GRIA3: variants seen among roughly 807,000 people sequenced by gnomAD.
The protein encoded by GRIA3 is glutamate ionotropic receptor AMPA type subunit 3, also known as glutamate receptor 3.
A neutral mutation model predicts 63.0 loss-of-function variants in GRIA3; 3 were observed. The ratio of observed to expected loss-of-function variants is 0.05; its 90% CI spans 0.02 to 0.12. GRIA3 has a LOEUF of 0.12. GRIA3 is among the 10% of genes least tolerant of loss of function. The pLI is 1.00. For synonymous variants in GRIA3, 274 were observed against 257.9 expected, an observed-to-expected ratio of 1.06 and a Z score of -0.60; for missense variants, 347 against 700.9, an observed-to-expected ratio of 0.50 and a Z score of 5.70.
At chrX:123,464,732 C>T (rs1047553927) in intron 12 of GRIA3, 133 bp from the exon 13 acceptor site, 22 of 536,262 alleles carry the variant, frequency 4.1e-5, no homozygotes, top group Middle Eastern at 5.7e-4. Context: ...TATGTATGAA[C>T]GTGCCTACTA....
At chrX:123,341,496 T>C (rs1282236252) in intron 4 of GRIA3, among the ~76,000 whole-genome samples, 2 of 76,955 alleles carry the variant, frequency 2.6e-5, no homozygotes, top group Non-Finnish European at 4.9e-5. Context: ...CACCATGGCT[T>C]ACACTAACCT....
At chrX:123,224,821 C>G (rs1267220444) in intron 2 of GRIA3, among the ~76,000 whole-genome samples, 1 of 111,403 alleles carries the variant, frequency 9.0e-6, no homozygotes, top group African/African-American at 3.3e-5. Flanking sequence ...CTTAAACATG[C>G]CGGGCTAGCT....
At chrX:123,248,643 G>A (rs1010494328) in intron 2 of GRIA3, among the ~76,000 whole-genome samples, 5 of 110,938 alleles carry the variant, frequency 4.5e-5, no homozygotes, top group African/African-American at 9.8e-5. Flanking sequence ...AAAATTAGCC[G>A]GGCATGGTGG....
chrX:123,392,198 G>A (rs1015218697), intron 5 of GRIA3, among the ~76,000 whole-genome samples: 1 of 112,269 alleles, frequency 8.9e-6, no homozygotes, highest in Non-Finnish European at 1.9e-5. Context: ...AAGCAGGGGA[G>A]CCTTTCCTCA....
chrX:123,285,795 T>C (rs1230462168), intron 3 of GRIA3, among the ~76,000 whole-genome samples: 1 of 110,624 alleles, frequency 9.0e-6, no homozygotes, highest in Non-Finnish European at 1.9e-5. Context: ...ACAAAGAGAC[T>C]TAGTCTCCCA....
chrX:123,281,897 T>G (rs2044588124), intron 3 of GRIA3, among the ~76,000 whole-genome samples: 1 of 112,088 alleles, frequency 8.9e-6, no homozygotes, highest in African/African-American at 3.2e-5. Context: ...TGGATAGGAA[T>G]AAGGACACAC....
At chrX:123,337,236 C>A (rs1174411196) in intron 4 of GRIA3, among the ~76,000 whole-genome samples, 1 of 111,786 alleles carries the variant, frequency 8.9e-6, no homozygotes, top group Non-Finnish European at 1.9e-5. Context: ...TTTGTGAATA[C>A]CACCAAGAGA....
chrX:123,318,263 AT>A (rs1342038938), intron 3 of GRIA3, among the ~76,000 whole-genome samples: 1 of 109,457 alleles, frequency 9.1e-6, no homozygotes, highest in Non-Finnish European at 1.9e-5. Context: ...GCCTGGAGAC[AT>A]TTTCCCCCCA....
intron 5 of GRIA3, among the ~76,000 whole-genome samples, chrX:123,363,766 G>A (rs1272869142): frequency 8.9e-6 from 1 of 112,590 alleles, no homozygotes; most frequent in South Asian, 3.6e-4. Flanking sequence ...AAATATAGCA[G>A]AACCTACAAA....
chrX:123,223,128 C>G (rs1354637190), intron 2 of GRIA3, among the ~76,000 whole-genome samples: 2 of 112,804 alleles, frequency 1.8e-5, no homozygotes, highest in African/African-American at 6.4e-5. Context: ...TCCCACTGAT[C>G]TGGAAGGAAT....
intron 3 of GRIA3, among the ~76,000 whole-genome samples, chrX:123,325,051 T>C (rs1023594144): frequency 2.7e-5 from 3 of 112,194 alleles, no homozygotes; most frequent in Non-Finnish European, 5.6e-5. Context: ...AAAAACTATT[T>C]AGGTTTATGG....
intron 3 of GRIA3, among the ~76,000 whole-genome samples, chrX:123,321,653 G>A (rs2044868327): frequency 8.9e-6 from 1 of 112,194 alleles, no homozygotes; most frequent in Admixed American, 9.4e-5. Context: ...TTTCCCCTGT[G>A]AAAATGATTT....
intron 3 of GRIA3, among the ~76,000 whole-genome samples, chrX:123,320,786 G>A (rs1257896880): frequency 8.9e-6 from 1 of 111,855 alleles, no homozygotes; most frequent in Non-Finnish European, 1.9e-5. Context: ...GCAACCCTCA[G>A]AAAGTGCCTT....
intron 12 of GRIA3, among the ~76,000 whole-genome samples, chrX:123,463,682 A>AAGAAAG (rs2045814249): frequency 7.4e-5 from 3 of 40,695 alleles, no homozygotes; most frequent in Non-Finnish European, 1.2e-4. Context: ...GAAAGAAAGA[A>AAGAAAG]AGAGAGAGAA....
At chrX:123,304,610 G>A (rs1373482214) in intron 3 of GRIA3, among the ~76,000 whole-genome samples, 1 of 111,753 alleles carries the variant, frequency 8.9e-6, no homozygotes, top group African/African-American at 3.3e-5. Context: ...CAGAGGTTTT[G>A]CGGATCCCAT....
intron 2 of GRIA3, among the ~76,000 whole-genome samples, chrX:123,187,387 G>A (rs967600932): frequency 1.8e-5 from 2 of 111,979 alleles, no homozygotes; most frequent in Non-Finnish European, 1.9e-5. Context: ...GACTTTCTTT[G>A]GCTTTCTGAC....
intron 5 of GRIA3, among the ~76,000 whole-genome samples, chrX:123,364,137 T>C (rs774574860): frequency 3.6e-5 from 4 of 112,476 alleles, no homozygotes; most frequent in Non-Finnish European, 7.5e-5. Flanking sequence ...ACAAAAATCA[T>C]TGAATTTGTA....
chrX:123,460,232 T>C (rs2045784916), intron 12 of GRIA3, among the ~76,000 whole-genome samples: 1 of 111,990 alleles, frequency 8.9e-6, no homozygotes, highest in Non-Finnish European at 1.9e-5. Context: ...TCAGAATTCA[T>C]GGACCCCTTT....
At chrX:123,209,306 T>C (rs1226857272) in intron 2 of GRIA3, among the ~76,000 whole-genome samples, 1 of 112,244 alleles carries the variant, frequency 8.9e-6, no homozygotes, top group African/African-American at 3.2e-5. Context: ...GAGATAATTA[T>C]TCAAAGGCAT....
Sources: allele counts gnomAD v4.1 joint callset (sites outside exome capture counted in the v4.1 genomes callset), GRCh38; gene constraint gnomAD v4.1.1; transcripts MANE v1.5; gene names NCBI Gene and HGNC (gene_info 2026-07-23, HGNC 2026-07-21).